The following POMT1 variants were observed in gnomAD, a reference collection of about 807,000 sequenced individuals.
POMT1 encodes the protein protein O-mannosyltransferase 1, also known as protein O-mannosyl-transferase 1.
In POMT1, 85 loss-of-function variants were observed where a neutral mutation model predicts 101.6. The ratio of observed to expected loss-of-function variants is 0.84; its 90% CI spans 0.70 to 1.00. The LOEUF (loss-of-function observed/expected upper bound fraction) is 1.00, where lower values mean the gene tolerates loss of function less well. Among genes scored for constraint, POMT1 ranks in the 50% least tolerant of loss-of-function variants. The pLI, the probability that POMT1 is intolerant of heterozygous loss-of-function variation, is 0.00. For synonymous variants in POMT1, 371 were observed against 383.0 expected (o/e 0.97, Z 0.37); for missense variants, 857 against 930.4 (o/e 0.92, Z 1.03).
At chr9:131,517,954 C>T (rs1949079215) in intron 13 of POMT1, among the ~76,000 whole-genome samples, 1 of 152,256 alleles carries the variant, frequency 6.6e-6, no homozygotes, top group Non-Finnish European at 1.5e-5. Context: ...CATTGTGAGG[C>T]TCCAGTATGT....
Position 131,511,362 on chromosome 9 carries a change from G to A in POMT1, c.881G>A (p.Gly294Asp), listed in dbSNP as rs1947081771. ...LEGGLARITQGQPLEVAFGSQ... is the reference protein window; with the variant it reads ...LEGGLARITQDQPLEVAFGSQ... The stretch of plus-strand genomic sequence containing the variant: ...GGAGGACTAGCTCGGATCACTCAGG[G>A]TCAGCCACTGGAGGTGGCCTTTGGG... Residue 294 changes from glycine to aspartate, a missense_variant, in exon 10 of 20, where the codon GGT becomes GAT. Gly to Asp is a moderately conservative substitution (Grantham distance 94). Transcript: ENST00000402686. The A allele has an allele frequency of 2.5e-6, 4 of 1,613,958 alleles. No homozygotes were observed. The highest frequency in any genetic ancestry group is 3.4e-6 in the Non-Finnish European group (4 of 1,179,840).
chr9:131,522,948 A>G lies in POMT1; in HGVS notation c.2020A>G (p.Ser674Gly). The G allele has an allele frequency of 1.9e-6, 3 of 1,594,750 alleles. No individual in the cohort carries two copies. Among genetic ancestry groups the G allele is most frequent in the Non-Finnish European group, 2.6e-6 (3 of 1,172,766 alleles). The change falls in exon 20 of 20, where the codon AGC becomes GGC. Residue 674 changes from serine to glycine, a missense_variant. Ser to Gly is a moderately conservative substitution (Grantham distance 56, BLOSUM62 0). Coordinates refer to ENST00000402686, the MANE Select transcript of POMT1 (RefSeq NM_001077365.2). This position sits in a 1 kb window ranked among gnomAD's most constrained non-coding sequence, Gnocchi z 5.5. The part of the protein sequence containing the change: ...DHLCRSQLQR[S>G]IFSALVVAWY... ...CCTCTGCAGGTCCCAGCTCCAGAGGAGCATCTTCAGCGCCCTGGTGGTGGC... is the reference window on the plus strand; with the variant it reads ...CCTCTGCAGGTCCCAGCTCCAGAGGGGCATCTTCAGCGCCCTGGTGGTGGC...
At chr9:131,516,249 T>TTCCTCACACGGAACACC (rs1564369540) in intron 13 of POMT1, among the ~76,000 whole-genome samples, 225 of 146,866 alleles carry the variant, frequency 1.5e-3, no homozygotes, top group African/African-American at 5.2e-3. Context: ...CACGGAACAC[T>TTCCTCACACGGAACACC]TCCTCACACG....
chr9:131,520,654 G>A (rs935039996), intron 17 of POMT1, among the ~76,000 whole-genome samples: 9 of 152,204 alleles, frequency 5.9e-5, no homozygotes, highest in East Asian at 3.8e-4. Flanking sequence ...CCTCAGAGGC[G>A]GGTAGGTCGG....
chr9:131,514,271 T>G (rs1947798464), intron 12 of POMT1, among the ~76,000 whole-genome samples: 1 of 152,128 alleles, frequency 6.6e-6, no homozygotes, highest in Non-Finnish European at 1.5e-5. Context: ...GTGACTCCCG[T>G]CACCCGCCAA....
Position 131,522,335 on chromosome 9 carries a change from T to C in POMT1, c.2003+111T>C, listed in dbSNP as rs893033504. 6.5e-6 allele frequency: 10 copies of C among 1,549,904 alleles called. No individual in the cohort carries two copies. The highest frequency in any genetic ancestry group is 8.7e-6 in the Non-Finnish European group (10 of 1,151,786). ...GAACCTCACCCATTTCACGTTACAC[T>C]GACATCCTCCGGGTCCCTCCGGGGA... On this transcript the variant is annotated intron_variant, in intron 19 of 19. Coordinates refer to ENST00000402686, the MANE Select transcript of POMT1 (RefSeq NM_001077365.2). The surrounding 1 kb of genome is among the most constrained non-coding windows in gnomAD (Gnocchi z 5.5).
intron 1 of POMT1, 40 bp from the exon 2 acceptor site, chr9:131,504,149 G>A: frequency 1.2e-6 from 2 of 1,611,838 alleles, no homozygotes; most frequent in Non-Finnish European, 1.7e-6. Flanking sequence ...GTAGCCTCTC[G>A]TGAGCCCTCA....
chr9:131,504,119 G>A (rs1564324437), intron 1 of POMT1, 70 bp from the exon 2 acceptor site: 5 of 1,578,234 alleles, frequency 3.2e-6, no homozygotes, highest in Non-Finnish European at 4.3e-6. Context: ...CCGGGAGCCG[G>A]GTGGCTGGGG....
At chr9:131,521,023 AAT>A in intron 17 of POMT1, 2 of 374,588 alleles carry the variant, frequency 5.3e-6, no homozygotes, top group South Asian at 4.3e-5. Context: ...TGTACTTTTT[AAT>A]AGAGACGGGG....
rs3739492 is a variant in POMT1, at chr9:131,511,713, G to A, written c.986+246G>A. The stretch of plus-strand genomic sequence containing the variant: ...TGGCTGACCTCAGCACTGCCTGCCT[G>A]AATCATCTGATTTCGGCTCCTTGTC... On this transcript the variant is annotated intron_variant, in intron 10 of 19. Coordinates refer to ENST00000402686, the MANE Select transcript of POMT1 (RefSeq NM_001077365.2). 0.93 allele frequency: 544,178 copies of A among 586,752 alleles called. 253,735 individuals carry two copies. The highest frequency in any genetic ancestry group is 0.97 in the South Asian group (47,998 of 49,470). The allele number at this position is 586,752 out of a possible 1,614,324, so 36.3% of individuals were successfully genotyped here.
At position 131,503,627 on chromosome 9, in the gene POMT1, T is replaced by C. The variant is rs960316834; in HGVS notation, c.-31+554T>C. ...GCGGAGCTCAAGGGAAGATGAAGCCTGGAGGAGAACGTGGGGGCGCAGGGT... is the reference window on the plus strand; with the variant it reads ...GCGGAGCTCAAGGGAAGATGAAGCCCGGAGGAGAACGTGGGGGCGCAGGGT... On this transcript the variant is annotated intron_variant, in intron 1 of 19. Transcript: ENST00000402686. The surrounding 1 kb of genome is among the most constrained non-coding windows in gnomAD (Gnocchi z 4.4). Among the ~76,000 whole-genome samples, 2 of 152,072 alleles carry C rather than the reference T, an allele frequency of 1.3e-5. No individual in the cohort carries two copies. The highest frequency in any genetic ancestry group is 1.5e-5 in the Non-Finnish European group (1 of 67,998).
rs901374092 is a variant in POMT1 at position 131,510,482 on chromosome 9, C to A, written c.855+67C>A. The A allele has an allele frequency of 5.2e-6, 8 of 1,524,562 alleles. 1 individual carries two copies. The South Asian group carries it at 9.0e-5, about 17-fold the overall frequency. The allele number at this position is 1,524,562 out of a possible 1,614,324, so 94.4% of individuals were successfully genotyped here. On this transcript the variant is annotated intron_variant, in intron 9 of 19. Coordinates refer to ENST00000402686, the MANE Select transcript of POMT1 (RefSeq NM_001077365.2). ...TGATAGTGGACCCAGAGTTTTCTTA[C>A]AAACACATCAAGTGAACATTAGCAC...
At chr9:131,515,672 C>T (rs1349142203) in intron 13 of POMT1, 150 bp downstream of exon 13, 10 of 757,792 alleles carry the variant, frequency 1.3e-5, no homozygotes, top group Middle Eastern at 3.5e-4. Flanking sequence ...ACACGGAGCA[C>T]TTCCTCTAAC....
intron 9 of POMT1, 102 bp from the exon 10 acceptor site, chr9:131,511,235 G>A: frequency 1.5e-6 from 2 of 1,293,570 alleles, no homozygotes; most frequent in Non-Finnish European, 2.1e-6. Context: ...ATGGCCACCA[G>A]CCTAAACATC....
Position 131,523,134 on chromosome 9 carries a change from G to C in POMT1, c.*28G>C. The C allele has an allele frequency of 1.2e-6, 2 of 1,606,236 alleles. No individual in the cohort carries two copies. The highest frequency in any genetic ancestry group is 1.7e-6 in the Non-Finnish European group (2 of 1,178,436). Reference sequence around the variant, plus strand: ...CAAGAGTGTGGCAAAGAACACCCGTGCTGGGGTCGGGATGAGGTTGAAGGG... The same window carrying C: ...CAAGAGTGTGGCAAAGAACACCCGTCCTGGGGTCGGGATGAGGTTGAAGGG... On this transcript the variant is annotated 3_prime_UTR_variant, in exon 20 of 20. Coordinates refer to ENST00000402686, the MANE Select transcript of POMT1 (RefSeq NM_001077365.2).
rs1947523168 is a variant in POMT1 at position 131,513,248 on chromosome 9, G to A, written c.1092G>A (p.Leu364=). 6.2e-7 allele frequency: 1 copy of A among 1,612,944 alleles called. No individual in the cohort carries two copies. The highest frequency in any genetic ancestry group is 1.3e-5 in the African/African-American group (1 of 74,894). Residue 364 remains leucine, a synonymous_variant, in exon 12 of 20, where the codon CTG becomes CTA. Transcript: ENST00000402686. ...WIVKDPRRHQ[L]VVSSPPRPVR... ...GCACTGTGTCTTCCAGGCACCAGCT[G>A]GTGGTGAGCAGCCCTCCGAGACCTG...
intron 5 of POMT1, 119 bp downstream of exon 5, chr9:131,507,633 A>G (rs959793771): frequency 4.3e-5 from 62 of 1,439,104 alleles, no homozygotes; most frequent in Non-Finnish European, 5.7e-5. Context: ...TGGTTCATCC[A>G]AATTTGACGC....
chr9:131,511,602 T>C, intron 10 of POMT1, 135 bp downstream of exon 10: 1 of 1,222,704 alleles, frequency 8.2e-7, no homozygotes, highest in South Asian at 1.3e-5. Context: ...CGGGTGCTGA[T>C]TGCCAGTGAG....
chr9:131,521,262 A>C (rs1360658547), intron 17 of POMT1, 84 bp from the exon 18 acceptor site: 1 of 1,586,526 alleles, frequency 6.3e-7, no homozygotes, highest in African/African-American at 1.3e-5. Flanking sequence ...TAGTGCGTGC[A>C]TCTGAATTCC....
Sources: allele counts gnomAD v4.1 joint callset (sites outside exome capture counted in the v4.1 genomes callset), GRCh38; gene constraint gnomAD v4.1.1; non-coding constraint Gnocchi (gnomAD v3.1); transcripts MANE v1.5; gene names NCBI Gene and HGNC (gene_info 2026-07-23, HGNC 2026-07-21).